CA10: variants seen among roughly 807,000 people sequenced by gnomAD.
The protein encoded by CA10 is carbonic anhydrase-related protein 10.
A neutral mutation model predicts 44.2 loss-of-function variants in CA10; 14 were observed. That is an observed-to-expected ratio of 0.32 (90% CI 0.21 to 0.50). CA10 has a LOEUF of 0.50. Among genes scored for constraint, CA10 ranks in the 20% least tolerant of loss-of-function variants. CA10 has a pLI of 0.99. For missense variants in CA10, 350 were observed against 409.7 expected, an observed-to-expected ratio of 0.85 and a Z score of 1.26; for synonymous variants, 159 against 141.6, an observed-to-expected ratio of 1.12 and a Z score of -0.87.
At chr17:51,789,533 G>C (rs955013806) in intron 3 of CA10, among the ~76,000 whole-genome samples, 2 of 152,194 alleles carry the variant, frequency 1.3e-5, no homozygotes, top group East Asian at 3.9e-4. Flanking sequence ...AGCACATGCT[G>C]CATGGTTTAC....
At chr17:51,766,619 G>C (rs187367746) in intron 3 of CA10, among the ~76,000 whole-genome samples, 1 of 152,126 alleles carries the variant, frequency 6.6e-6, no homozygotes, top group African/African-American at 2.4e-5. Context: ...GGAGATAAAT[G>C]AATATGTCAG....
At chr17:51,859,762 G>T (rs1043486449) in intron 3 of CA10, among the ~76,000 whole-genome samples, 3 of 152,100 alleles carry the variant, frequency 2.0e-5, no homozygotes, top group South Asian at 2.1e-4. Flanking sequence ...ATGCAAAAGG[G>T]CATTGTAAAG....
At chr17:52,024,175 T>C (rs1218164486) in intron 2 of CA10, among the ~76,000 whole-genome samples, 3 of 152,108 alleles carry the variant, frequency 2.0e-5, no homozygotes, top group Admixed American at 6.6e-5. Flanking sequence ...CATTATCTGG[T>C]TCTCTGCAAA....
chr17:51,717,553 AT>A (rs1916154957), intron 4 of CA10, among the ~76,000 whole-genome samples: 1 of 87,794 alleles, frequency 1.1e-5, no homozygotes, highest in African/African-American at 3.4e-5. Context: ...ATATATATAT[AT>A]ATATATAATA....
chr17:51,920,560 A>T (rs1982189008), intron 3 of CA10, among the ~76,000 whole-genome samples: 1 of 152,216 alleles, frequency 6.6e-6, no homozygotes, highest in Non-Finnish European at 1.5e-5. Context: ...CACTTATGAA[A>T]TACTAAAGCC....
chr17:51,699,456 G>A (rs1019529284), intron 4 of CA10, among the ~76,000 whole-genome samples: 3 of 152,082 alleles, frequency 2.0e-5, no homozygotes, highest in African/African-American at 4.8e-5. Flanking sequence ...TCTTGCAACC[G>A]GAGACACACA....
rs566368505 is a variant in CA10, at chr17:51,921,153, G to A, written c.279+9837C>T. ...GGCTGCAAGCAAATATATTCCACAC[G>A]TCCCATCTAACCACTGCTCATACAG... On this transcript the variant is annotated intron_variant, in intron 3 of 8. Transcript: ENST00000451037. Among the ~76,000 whole-genome samples the A allele has an allele frequency of 5.3e-5, 8 of 152,114 alleles. No individual in the cohort carries two copies. In the South Asian group the frequency reaches 1.2e-3, roughly 24 times the overall value.
intron 3 of CA10, among the ~76,000 whole-genome samples, chr17:51,894,714 T>C (rs1980997888): frequency 6.6e-6 from 1 of 152,146 alleles, no homozygotes; most frequent in Non-Finnish European, 1.5e-5. Flanking sequence ...TCTAAAAAAT[T>C]AAAATAATGA....
intron 1 of CA10, among the ~76,000 whole-genome samples, chr17:52,077,427 C>G (rs984457453): frequency 6.6e-6 from 1 of 152,234 alleles, no homozygotes; most frequent in Non-Finnish European, 1.5e-5. Flanking sequence ...CATACTATTT[C>G]TGTGCCAACT....
At chr17:51,907,899 C>A (rs144457417) in intron 3 of CA10, among the ~76,000 whole-genome samples, 6 of 152,268 alleles carry the variant, frequency 3.9e-5, no homozygotes, top group East Asian at 1.9e-4. Flanking sequence ...TCCTGGGGAA[C>A]CTGATCTGTA....
intron 3 of CA10, among the ~76,000 whole-genome samples, chr17:51,831,678 G>GCAGCAGCAGCAGCAT (rs1908254997): frequency 4.1e-5 from 2 of 49,034 alleles, no homozygotes; most frequent in African/African-American, 1.4e-4. Flanking sequence ...AGCAGCAGCA[G>GCAGCAGCAGCAGCAT]CAGCAGCAGC....
chr17:51,635,369 C>T (rs978535859), intron 7 of CA10, among the ~76,000 whole-genome samples: 5 of 152,052 alleles, frequency 3.3e-5, no homozygotes, highest in Admixed American at 6.6e-5. Context: ...AAAAATTAGC[C>T]GGGCGTGGTG....
intron 3 of CA10, among the ~76,000 whole-genome samples, chr17:51,860,077 T>C (rs967967877): frequency 9.2e-5 from 14 of 152,308 alleles, no homozygotes; most frequent in Admixed American, 2.6e-4. Flanking sequence ...ACTGAATTTC[T>C]TTACATTTTT....
chr17:51,908,869 C>T (rs530912392), intron 3 of CA10, among the ~76,000 whole-genome samples: 1 of 152,260 alleles, frequency 6.6e-6, no homozygotes, highest in Non-Finnish European at 1.5e-5. Context: ...TGGACTGTAA[C>T]ATCTGTCCAA....
At chr17:51,759,353 TTGCTC>T (rs917036191) in intron 3 of CA10, among the ~76,000 whole-genome samples, 4 of 111,036 alleles carry the variant, frequency 3.6e-5, no homozygotes, top group African/African-American at 1.4e-4. Context: ...GTACACTTCT[TTGCTC>T]TGTGTGTGTG....
intron 2 of CA10, among the ~76,000 whole-genome samples, chr17:52,031,465 C>T (rs1187706473): frequency 6.6e-6 from 1 of 152,018 alleles, no homozygotes; most frequent in Non-Finnish European, 1.5e-5. Flanking sequence ...TCCAACTCTC[C>T]AACGGGTAAA....
At chr17:51,988,476 G>T (rs1458399805) in intron 2 of CA10, among the ~76,000 whole-genome samples, 2 of 151,948 alleles carry the variant, frequency 1.3e-5, no homozygotes, top group Non-Finnish European at 2.9e-5. Flanking sequence ...CTATAAAACA[G>T]AATTTAAACA....
At chr17:52,009,453 T>G (rs1985711370) in intron 2 of CA10, among the ~76,000 whole-genome samples, 2 of 152,010 alleles carry the variant, frequency 1.3e-5, no homozygotes, top group Non-Finnish European at 2.9e-5. Flanking sequence ...GTAAGAAGAT[T>G]GCTGAACTAT....
intron 4 of CA10, among the ~76,000 whole-genome samples, chr17:51,702,678 G>A (rs1176810328): frequency 6.6e-6 from 1 of 152,080 alleles, no homozygotes; most frequent in Non-Finnish European, 1.5e-5. Flanking sequence ...TTCTGCCATG[G>A]CCACCCTGGA....
Sources: allele counts gnomAD v4.1 joint callset (sites outside exome capture counted in the v4.1 genomes callset), GRCh38; gene constraint gnomAD v4.1.1; transcripts MANE v1.5; gene names NCBI Gene and HGNC (gene_info 2026-07-23, HGNC 2026-07-21).